CREM: variants seen among roughly 807,000 people sequenced by gnomAD.
The protein encoded by CREM is cAMP responsive element modulator.
Under a neutral mutation model 37.3 loss-of-function variants are expected in CREM, and 13 were observed. The ratio of observed to expected loss-of-function variants is 0.35; its 90% CI spans 0.23 to 0.55. The LOEUF (loss-of-function observed/expected upper bound fraction) is 0.55. Among genes scored for constraint, CREM ranks in the 20% least tolerant of loss-of-function variants. The pLI is 0.88. For missense variants in CREM, 296 were observed against 362.3 expected, an observed-to-expected ratio of 0.82 and a Z score of 1.49; for synonymous variants, 124 against 120.2, an observed-to-expected ratio of 1.03 and a Z score of -0.21.
At chr10:35,186,481 C>G (rs1368772773) in intron 5 of CREM, among the ~76,000 whole-genome samples, 2 of 151,548 alleles carry the variant, frequency 1.3e-5, no homozygotes, top group Non-Finnish European at 2.9e-5. Context: ...CTTTTAGTAA[C>G]AGTTACTTTT....
At chr10:35,175,445 C>CAAA in intron 3 of CREM, 1 of 407,592 alleles carries the variant, frequency 2.5e-6, no homozygotes. Flanking sequence ...GACTCCGTCT[C>CAAA]AAAAAAAAAA....
At chr10:35,196,069 A>G (rs748432240) in intron 6 of CREM, 3 of 1,614,078 alleles carry the variant, frequency 1.9e-6, no homozygotes, top group African/African-American at 1.3e-5. Context: ...ATGCATGAAC[A>G]GAACTCAGGA....
intron 6 of CREM, among the ~76,000 whole-genome samples, chr10:35,198,869 G>A (rs997702168): frequency 1.3e-5 from 2 of 152,200 alleles, no homozygotes; most frequent in African/African-American, 2.4e-5. Flanking sequence ...TAATTTCGAG[G>A]CTGGGCGTGG....
At chr10:35,195,969 A>C (rs986476223) in intron 6 of CREM, 42 of 1,388,068 alleles carry the variant, frequency 3.0e-5, no homozygotes, top group Non-Finnish European at 4.2e-5. Context: ...GCTGCCTTTT[A>C]GACTGAATAG....
At chr10:35,133,308 ATT>A (rs34244298) in intron 1 of CREM, among the ~76,000 whole-genome samples, 39,556 of 143,058 alleles carry the variant, frequency 0.28, 5,489 homozygotes, top group South Asian at 0.34. Context: ...CCAAAAGCAG[ATT>A]TTTTTTTTTT....
At chr10:35,168,309 G>T (rs542182014) in intron 3 of CREM, among the ~76,000 whole-genome samples, 139 of 152,286 alleles carry the variant, frequency 9.1e-4, no homozygotes, top group African/African-American at 3.0e-3. Flanking sequence ...GTGTGAGATG[G>T]TATCTTATTG....
chr10:35,163,481 C>T (rs933207017), intron 3 of CREM, among the ~76,000 whole-genome samples: 1 of 151,988 alleles, frequency 6.6e-6, no homozygotes, highest in East Asian at 1.9e-4. Flanking sequence ...CACAGGAGTT[C>T]GAGACCAGCC....
At chr10:35,193,037 G>C (rs7077242) in intron 6 of CREM, among the ~76,000 whole-genome samples, 7 of 151,948 alleles carry the variant, frequency 4.6e-5, no homozygotes, top group Middle Eastern at 3.4e-3. Flanking sequence ...ATAAGAATAC[G>C]TTCCCCGAGG....
intron 3 of CREM, among the ~76,000 whole-genome samples, chr10:35,172,740 G>A (rs1774338611): frequency 6.6e-6 from 1 of 152,190 alleles, no homozygotes; most frequent in Non-Finnish European, 1.5e-5. Flanking sequence ...GACCCATGGT[G>A]TTCTTAAGGA....
chr10:35,175,934 G>T lies in CREM; in HGVS notation c.169-2955G>T, dbSNP rs541473863. Reference sequence around the variant, plus strand: ...GTTACCTTCGGGCCAAACTATACATGTCCAGGGAGTAATTCAGACACCACA... The same window carrying T: ...GTTACCTTCGGGCCAAACTATACATTTCCAGGGAGTAATTCAGACACCACA... On this transcript the variant is annotated intron_variant, in intron 3 of 7. Coordinates refer to ENST00000685392, the MANE Select transcript of CREM (RefSeq NM_183011.2). 5.8e-6 allele frequency: 9 copies of T among 1,551,704 alleles called. No homozygotes were observed. The Admixed American group carries it at 1.8e-4, about 30-fold the overall frequency.
At chr10:35,161,520 C>T (rs1453966323) in intron 3 of CREM, among the ~76,000 whole-genome samples, 1 of 151,316 alleles carries the variant, frequency 6.6e-6, no homozygotes, top group African/African-American at 2.4e-5. Context: ...AAAAATTAGC[C>T]AGGAGTGGTG....
chr10:35,178,908 C>G lies in CREM; in HGVS notation c.188C>G (p.Thr63Arg). The G allele has an allele frequency of 6.2e-7, 1 of 1,611,830 alleles. No individual in the cohort carries two copies. Among genetic ancestry groups the G allele is most frequent in the Non-Finnish European group, 8.5e-7 (1 of 1,179,154 alleles). ...TTATAGGTAGCAGCAATTGCAGAGACAGATGAATCTGCAGAATCAGAAGGT... is the reference window on the plus strand; with the variant it reads ...TTATAGGTAGCAGCAATTGCAGAGAGAGATGAATCTGCAGAATCAGAAGGT... ...ALAQVAAIAE[T>R]DESAESEGVI... The change falls in exon 4 of 8, where the codon ACA becomes AGA. Residue 63 changes from threonine to arginine, a missense_variant. By Grantham distance (71) the Thr-to-Arg change is moderately conservative. Around this residue, in one of 2 missense-constraint regions of CREM, gnomAD observed 257 missense variants for 280.2 expected, o/e 0.92. Coordinates refer to ENST00000685392, the MANE Select transcript of CREM (RefSeq NM_183011.2).
chr10:35,178,737 C>T (rs897562269), intron 3 of CREM, 152 bp from the exon 4 acceptor site: 8 of 548,214 alleles, frequency 1.5e-5, no homozygotes, highest in Non-Finnish European at 2.5e-5. Context: ...TTGAGCCAGA[C>T]TCCTTCAGTG....
Position 35,137,860 on chromosome 10 carries a change from T to C in CREM, c.25T>C (p.Tyr9His). 1 of 1,590,322 alleles carries C rather than the reference T, an allele frequency of 6.3e-7. No homozygotes were observed. Among genetic ancestry groups the C allele is most frequent in the Non-Finnish European group, 8.6e-7 (1 of 1,167,580 alleles). The change falls in exon 2 of 8, where the codon TAT becomes CAT. Residue 9 changes from tyrosine (Y) to histidine (H), a missense_variant. Transcript: ENST00000685392. Reference protein sequence around the residue: MSKCARKKYIKTNPRQMTM... With the variant: MSKCARKKHIKTNPRQMTM... ...AATGAGCAAATGTGCAAGGAAAAAATATATTAAGACAAATCCAAGGTAGGT... is the reference window on the plus strand; with the variant it reads ...AATGAGCAAATGTGCAAGGAAAAAACATATTAAGACAAATCCAAGGTAGGT...
At chr10:35,209,919 A>T (rs141349432) in intron 7 of CREM, among the ~76,000 whole-genome samples, 13 of 152,186 alleles carry the variant, frequency 8.5e-5, no homozygotes, top group Admixed American at 5.2e-4. Context: ...AGAACTTTGT[A>T]TGTTCACAGG....
intron 1 of CREM, among the ~76,000 whole-genome samples, chr10:35,136,123 G>A (rs1261011271): frequency 6.6e-6 from 1 of 152,156 alleles, no homozygotes; most frequent in Non-Finnish European, 1.5e-5. Flanking sequence ...GGAAGCGGGC[G>A]GCTGTTCCTG....
chr10:35,158,857 A>C (rs1415829309), intron 3 of CREM, among the ~76,000 whole-genome samples: 31 of 133,558 alleles, frequency 2.3e-4, no homozygotes, highest in African/African-American at 8.6e-4. Flanking sequence ...GAACTTATCT[A>C]AAGATTTCAT....
chr10:35,182,151 A>C (rs2094379667), intron 5 of CREM, among the ~76,000 whole-genome samples: 2 of 152,368 alleles, frequency 1.3e-5, no homozygotes, highest in South Asian at 4.1e-4. Flanking sequence ...CAAACTTTTT[A>C]GAAGACGTTT....
chr10:35,160,720 T>TTAA (rs372435208), intron 3 of CREM, among the ~76,000 whole-genome samples: 169 of 152,380 alleles, frequency 1.1e-3, no homozygotes, highest in Middle Eastern at 6.8e-3. Context: ...AACACAAACA[T>TTAA]ATTACACAGC....
Sources: gnomAD v4.1 joint callset for allele counts (sites outside exome capture counted in the v4.1 genomes callset) on GRCh38, gnomAD v4.1.1 for gene constraint, gnomAD v4.1.1 regional missense constraint, MANE v1.5 for transcripts, NCBI Gene and HGNC (gene_info 2026-07-23, HGNC 2026-07-21) for gene names.